The following CDK6 variants were observed in gnomAD, a reference collection of about 807,000 sequenced individuals.
CDK6 encodes the protein cyclin dependent kinase 6.
CDK6 carries 6 observed loss-of-function variants against 37.1 expected under a neutral mutation model. The ratio of observed to expected loss-of-function variants is 0.16; its 90% CI spans 0.09 to 0.32. CDK6 has a LOEUF of 0.32. CDK6 is among the 10% of genes least tolerant of loss of function. CDK6 has a pLI of 1.00. For missense variants in CDK6, 224 were observed against 418.9 expected (o/e 0.53, Z 4.06); for synonymous variants, 160 against 161.3 (o/e 0.99, Z 0.06).
chr7:92,781,230 C>T (rs1053541790), intron 2 of CDK6, among the ~76,000 whole-genome samples: 1 of 152,216 alleles, frequency 6.6e-6, no homozygotes, highest in African/African-American at 2.4e-5. Flanking sequence ...AAGCCCCTAA[C>T]TCTCCCACAA....
intron 6 of CDK6, among the ~76,000 whole-genome samples, chr7:92,619,286 C>T (rs1449908285): frequency 6.6e-6 from 1 of 151,976 alleles, no homozygotes; most frequent in African/African-American, 2.4e-5. Flanking sequence ...ATTAATGGGT[C>T]AATGGACTTA....
chr7:92,639,664 T>A (rs1315989502), intron 5 of CDK6, among the ~76,000 whole-genome samples: 2 of 152,226 alleles, frequency 1.3e-5, no homozygotes, highest in Admixed American at 6.5e-5. Context: ...TTTTGTTGTT[T>A]CGTTGTTATG....
rs867670935 is a variant in CDK6, at chr7:92,796,753, A to T, written c.234-21922T>A. Among the ~76,000 whole-genome samples, 3 of 152,202 alleles carry T rather than the reference A, an allele frequency of 2.0e-5. No homozygotes were observed. The South Asian group carries it at 6.2e-4, about 31-fold the overall frequency. ...GAGGTAAATAAACAGGGCACTTTAA[A>T]ATATTCCACTTATACCAGTTAAACT... On this transcript the variant is annotated intron_variant, in intron 2 of 7. Coordinates refer to ENST00000424848, the MANE Select transcript of CDK6 (RefSeq NM_001145306.2).
intron 5 of CDK6, among the ~76,000 whole-genome samples, chr7:92,644,917 G>A (rs1249863586): frequency 3.3e-5 from 5 of 152,184 alleles, no homozygotes; most frequent in Admixed American, 6.5e-5. Flanking sequence ...GGGGCCTGGC[G>A]CTGCACTGAC....
rs778728287 is a variant in CDK6 at position 92,608,760 on chromosome 7, G to A, written c.*6380C>T. 4.3e-6 allele frequency: 1 copy of A among 231,376 alleles called. No homozygotes were observed. The highest frequency in any genetic ancestry group is 5.6e-5 in the Admixed American group (1 of 17,752). 14.3% of individuals were successfully genotyped at this position (231,376 alleles called of 1,614,324 possible). On this transcript the variant is annotated 3_prime_UTR_variant, in exon 8 of 8. Coordinates refer to ENST00000424848, the MANE Select transcript of CDK6 (RefSeq NM_001145306.2). ...CAGATGCCTCTGAGACAGCAGCAGG[G>A]CACTCTGACCTCGGAAAGCAGCCCG...
At chr7:92,688,499 C>A (rs1256108780) in intron 4 of CDK6, among the ~76,000 whole-genome samples, 1 of 150,122 alleles carries the variant, frequency 6.7e-6, no homozygotes, top group Non-Finnish European at 1.5e-5. Flanking sequence ...GACTTTTGTC[C>A]CTTCTATGTC....
intron 2 of CDK6, among the ~76,000 whole-genome samples, chr7:92,805,015 T>C (rs1311863034): frequency 6.6e-6 from 1 of 152,200 alleles, no homozygotes; most frequent in Non-Finnish European, 1.5e-5. Context: ...GTAGAAAAAT[T>C]AGATAACCTA....
chr7:92,782,840 T>C (rs1004235175), intron 2 of CDK6, among the ~76,000 whole-genome samples: 9 of 152,236 alleles, frequency 5.9e-5, no homozygotes, highest in African/African-American at 2.2e-4. Context: ...TATTTTGAAA[T>C]GATTAAATGA....
intron 5 of CDK6, among the ~76,000 whole-genome samples, chr7:92,628,547 C>A (rs531119718): frequency 6.6e-6 from 1 of 152,060 alleles, no homozygotes; most frequent in African/African-American, 2.4e-5. Context: ...ATTGCTCCCC[C>A]CTGCAAGAAG....
intron 2 of CDK6, among the ~76,000 whole-genome samples, chr7:92,797,938 G>C (rs1286347718): frequency 8.5e-5 from 13 of 152,204 alleles, no homozygotes; most frequent in Admixed American, 8.5e-4. Flanking sequence ...AGGTGCTCCA[G>C]TGAGCAAAAC....
intron 4 of CDK6, among the ~76,000 whole-genome samples, chr7:92,692,712 G>T (rs1797624736): frequency 6.6e-6 from 1 of 151,908 alleles, no homozygotes; most frequent in African/African-American, 2.4e-5. Context: ...CTGAGCCTGT[G>T]AAGTCGAGGC....
chr7:92,766,427 A>G (rs1285618145), intron 3 of CDK6, among the ~76,000 whole-genome samples: 1 of 152,182 alleles, frequency 6.6e-6, no homozygotes, highest in Non-Finnish European at 1.5e-5. Flanking sequence ...CAGATAGGGA[A>G]GGCTTGAGTT....
At chr7:92,793,376 C>T (rs3731293) in intron 2 of CDK6, among the ~76,000 whole-genome samples, 1 of 152,138 alleles carries the variant, frequency 6.6e-6, no homozygotes, top group Non-Finnish European at 1.5e-5. Flanking sequence ...GTACCTAAGA[C>T]AGTATGGTAC....
chr7:92,670,166 C>A (rs1025875912), intron 5 of CDK6, among the ~76,000 whole-genome samples: 4 of 152,188 alleles, frequency 2.6e-5, no homozygotes, highest in African/African-American at 9.7e-5. Context: ...ATGTACCACT[C>A]CATCTCAGTT....
At chr7:92,773,223 A>G (rs944760736) in intron 3 of CDK6, among the ~76,000 whole-genome samples, 3 of 152,184 alleles carry the variant, frequency 2.0e-5, no homozygotes, top group Non-Finnish European at 4.4e-5. Flanking sequence ...AAACAAGATA[A>G]AGAGGTAGAG....
At chr7:92,646,466 C>T (rs370876036) in intron 5 of CDK6, among the ~76,000 whole-genome samples, 55 of 150,672 alleles carry the variant, frequency 3.7e-4, no homozygotes, top group African/African-American at 1.1e-3. Flanking sequence ...GGCGCGATCT[C>T]GGCTCACTGC....
chr7:92,774,852 G>A, intron 2 of CDK6, 21 bp from the exon 3 acceptor site: 1 of 1,598,974 alleles, frequency 6.3e-7, no homozygotes, highest in Non-Finnish European at 8.5e-7. Context: ...AAACAAAGAG[G>A]TTAAGTAGGT....
At chr7:92,764,682 G>C (rs1431339123) in intron 3 of CDK6, among the ~76,000 whole-genome samples, 1 of 152,198 alleles carries the variant, frequency 6.6e-6, no homozygotes, top group Non-Finnish European at 1.5e-5. Flanking sequence ...GAAGACACCA[G>C]ATTCTCATAA....
Position 92,785,625 on chromosome 7 carries a change from C to G in CDK6, c.234-10794G>C, listed in dbSNP as rs1800111033. 2.0e-5 allele frequency among the ~76,000 whole-genome samples: 3 copies of G among 152,238 alleles called. No homozygotes were observed. In the South Asian group the frequency reaches 6.2e-4, roughly 32 times the overall value. On this transcript the variant is annotated intron_variant, in intron 2 of 7. Coordinates refer to ENST00000424848, the MANE Select transcript of CDK6 (RefSeq NM_001145306.2). ...TAATACTTTGCCTAAAGTACAAAGA[C>G]AGTAAGTAGTGGAGATGGGCTTTGA...
Sources: gnomAD v4.1 joint callset for allele counts (sites outside exome capture counted in the v4.1 genomes callset) on GRCh38, gnomAD v4.1.1 for gene constraint, MANE v1.5 for transcripts, NCBI Gene and HGNC (gene_info 2026-07-23, HGNC 2026-07-21) for gene names.